Variants in DAPK1 observed in about 807,000 individuals in gnomAD.
DAPK1 encodes the protein death-associated protein kinase 1.
Under a neutral mutation model 144.9 loss-of-function variants are expected in DAPK1, and 56 were observed. The observed-to-expected ratio is 0.39, with a 90% CI of 0.31 to 0.48. The LOEUF (loss-of-function observed/expected upper bound fraction) is 0.48, where lower values mean the gene tolerates loss of function less well. DAPK1 is among the 20% of genes least tolerant of loss of function. DAPK1 has a pLI of 0.95. For synonymous variants in DAPK1, 690 were observed against 749.0 expected (o/e 0.92, Z 1.29); for missense variants, 1,454 against 1,875.4 (o/e 0.78, Z 4.15).
chr9:87,658,349 C>T (rs1587818954), intron 18 of DAPK1, among the ~76,000 whole-genome samples: 1 of 152,248 alleles, frequency 6.6e-6, no homozygotes, highest in African/African-American at 2.4e-5. Context: ...ACACCCTGCT[C>T]TGCCAGGGAT....
chr9:87,503,780 T>C (rs1824494177), intron 2 of DAPK1, among the ~76,000 whole-genome samples: 1 of 152,222 alleles, frequency 6.6e-6, no homozygotes, highest in African/African-American at 2.4e-5. Flanking sequence ...TTGCATTCTT[T>C]GTGGCTGAAC....
chr9:87,518,437 C>T (rs960943054), intron 2 of DAPK1, among the ~76,000 whole-genome samples: 1 of 151,974 alleles, frequency 6.6e-6, no homozygotes, highest in Non-Finnish European at 1.5e-5. Flanking sequence ...CATATTTGCC[C>T]TTTAAAAGGG....
intron 2 of DAPK1, among the ~76,000 whole-genome samples, chr9:87,502,874 G>A (rs2118012737): frequency 6.6e-6 from 1 of 152,258 alleles, no homozygotes. Context: ...TTCTCCCCAT[G>A]GTGTGCAGGG....
chr9:87,548,913 C>CTTTTTTTTTTTTTTTTT (rs11291160), intron 2 of DAPK1, among the ~76,000 whole-genome samples: 1 of 63,870 alleles, frequency 1.6e-5, no homozygotes. Flanking sequence ...GATTTCATTC[C>CTTTTTTTTTTTTTTTTT]TTTTTTTTTT....
chr9:87,668,814 T>A, intron 19 of DAPK1, 140 bp downstream of exon 19: 1 of 682,550 alleles, frequency 1.5e-6, no homozygotes, highest in Non-Finnish European at 2.6e-6. Flanking sequence ...GTCCTGTGGT[T>A]TACATGTCAG....
At chr9:87,521,594 GTCA>G (rs975269802) in intron 2 of DAPK1, among the ~76,000 whole-genome samples, 9 of 152,348 alleles carry the variant, frequency 5.9e-5, no homozygotes, top group African/African-American at 2.2e-4. Flanking sequence ...CCGCTAGGAT[GTCA>G]GCACTGGGGC....
At chr9:87,562,427 G>A (rs11141889) in intron 2 of DAPK1, among the ~76,000 whole-genome samples, 4 of 152,096 alleles carry the variant, frequency 2.6e-5, no homozygotes, top group South Asian at 2.1e-4. Context: ...TGAGGCTTTC[G>A]TCGGGAACCA....
rs1400057034 is a variant in DAPK1, at chr9:87,683,605, C to T, written c.2224+1979C>T. On this transcript the variant is annotated intron_variant, in intron 20 of 25. Coordinates refer to ENST00000408954, the MANE Select transcript of DAPK1 (RefSeq NM_004938.4). Reference sequence around the variant, plus strand: ...TGCCCAGGAGCCCCCATTGTGGAGTCCTGGGAGTCACCTGTGGCTCTGCCC... The same window carrying T: ...TGCCCAGGAGCCCCCATTGTGGAGTTCTGGGAGTCACCTGTGGCTCTGCCC... 5.3e-5 allele frequency among the ~76,000 whole-genome samples: 8 copies of T among 152,248 alleles called. No individual in the cohort carries two copies. The South Asian group carries it at 1.7e-3, about 32-fold the overall frequency.
intron 2 of DAPK1, among the ~76,000 whole-genome samples, chr9:87,564,786 C>T (rs1400873597): frequency 6.6e-6 from 1 of 152,180 alleles, no homozygotes; most frequent in African/African-American, 2.4e-5. Context: ...CACCTCTTAA[C>T]GGTCTCACCT....
intron 2 of DAPK1, among the ~76,000 whole-genome samples, chr9:87,549,289 C>T (rs1587708318): frequency 6.6e-6 from 1 of 152,158 alleles, no homozygotes. Context: ...TTTATGGCTG[C>T]ATAGTATTCC....
In DAPK1 at chr9:87,498,866, G is replaced by C. The variant is rs551055681; in HGVS notation, c.-108-104G>C. 2.8e-4 allele frequency: 146 copies of C among 516,998 alleles called. 1 individual carries two copies. The highest frequency in any genetic ancestry group is 1.7e-3 in the South Asian group (56 of 32,350). The allele number at this position is 516,998 out of a possible 1,614,324, so 32.0% of individuals were successfully genotyped here. ...CCACCCCGCGAGGAGGGGCAGCTCC[G>C]GAGACCCGGTCTTCAGCGAGCGGGG... On this transcript the variant is annotated intron_variant, in intron 1 of 25. Transcript: ENST00000408954.
At chr9:87,672,853 G>C (rs1359505243) in intron 19 of DAPK1, among the ~76,000 whole-genome samples, 3 of 152,182 alleles carry the variant, frequency 2.0e-5, no homozygotes, top group Non-Finnish European at 4.4e-5. Flanking sequence ...GGATTGTGGG[G>C]AGCCCAGAAG....
intron 3 of DAPK1, among the ~76,000 whole-genome samples, chr9:87,609,344 G>A (rs927097303): frequency 2.0e-5 from 3 of 152,194 alleles, no homozygotes; most frequent in African/African-American, 7.2e-5. Context: ...GGATGCATAT[G>A]CACGGTATGA....
At chr9:87,575,099 A>C (rs1272751873) in intron 2 of DAPK1, among the ~76,000 whole-genome samples, 2 of 150,540 alleles carry the variant, frequency 1.3e-5, no homozygotes, top group South Asian at 4.2e-4. Context: ...GTGCATCTGT[A>C]GTCCTAGCTA....
rs144410440 is a variant in DAPK1, at chr9:87,640,706, A to G, written c.783-96A>G. On this transcript the variant is annotated intron_variant, in intron 8 of 25. Coordinates refer to ENST00000408954, the MANE Select transcript of DAPK1 (RefSeq NM_004938.4). ...CTTTCTTCCCTGAACTGCATTTTCC[A>G]CAGTATCTGCTTGGCAGGCCCAGCC... 16 of 1,334,254 alleles carry G rather than the reference A, an allele frequency of 1.2e-5. 1 individual carries two copies. Among genetic ancestry groups the G allele is most frequent in the Middle Eastern group, 3.6e-4 (2 of 5,506 alleles). The allele number at this position is 1,334,254 out of a possible 1,614,324, so 82.7% of individuals were successfully genotyped here.
intron 22 of DAPK1, chr9:87,698,403 T>G (rs1051641032): frequency 2.0e-5 from 8 of 398,500 alleles, no homozygotes; most frequent in Non-Finnish European, 3.6e-5. Flanking sequence ...AGAAACTGCC[T>G]TTAGTCATTC....
In DAPK1 at chr9:87,514,844, T is replaced by C. The variant is rs1417982595; in HGVS notation, c.62+15705T>C. Among the ~76,000 whole-genome samples, 2 of 152,244 alleles carry C rather than the reference T, an allele frequency of 1.3e-5. 1 individual carries two copies. Among genetic ancestry groups the C allele is most frequent in the Non-Finnish European group, 2.9e-5 (2 of 68,046 alleles). The stretch of plus-strand genomic sequence containing the variant: ...AATGTCTATGGAACCCATATCCTCG[T>C]GACTGCATTAAGAAGAAAATACAGC... On this transcript the variant is annotated intron_variant, in intron 2 of 25. Transcript: ENST00000408954.
chr9:87,639,248 C>T (rs1830006654), intron 4 of DAPK1, 106 bp from the exon 5 acceptor site: 3 of 1,103,540 alleles, frequency 2.7e-6, no homozygotes, highest in Non-Finnish European at 3.8e-6. Context: ...CCTTTCTTCC[C>T]TACTTTTTGG....
intron 2 of DAPK1, among the ~76,000 whole-genome samples, chr9:87,505,645 T>TCGCC (rs1296125044): frequency 6.6e-6 from 1 of 152,096 alleles, no homozygotes. Flanking sequence ...GTCACCCTCC[T>TCGCC]CGGCCTCCCG....
Sources: allele counts gnomAD v4.1 joint callset (sites outside exome capture counted in the v4.1 genomes callset), GRCh38; gene constraint gnomAD v4.1.1; transcripts MANE v1.5; gene names NCBI Gene and HGNC (gene_info 2026-07-23, HGNC 2026-07-21).